SIGLECL1: variants seen among roughly 807,000 people sequenced by gnomAD.
SIGLECL1 encodes SIGLEC family like 1.
SIGLECL1 carries 16 observed loss-of-function variants against 19.1 expected under a neutral mutation model. The observed-to-expected ratio is 0.84, with a 90% CI of 0.57 to 1.27. The LOEUF is 1.27. Ranked by LOEUF, SIGLECL1 falls within the 50% of genes most tolerant of loss-of-function variation. The pLI is 0.00. For missense variants in SIGLECL1, 210 were observed against 239.4 expected (o/e 0.88, Z 0.81); for synonymous variants, 89 against 90.4 (o/e 0.98, Z 0.09).
At chr19:51,258,103 C>T (rs1397401405) in intron 1 of SIGLECL1, among the ~76,000 whole-genome samples, 2 of 152,180 alleles carry the variant, frequency 1.3e-5, no homozygotes, top group Non-Finnish European at 2.9e-5. Context: ...ACGAGTATAA[C>T]AGCTTTCAGT....
In SIGLECL1 at chr19:51,264,061, C is replaced by A; in HGVS notation, c.-12C>A. 1 of 1,613,920 alleles carries A rather than the reference C, an allele frequency of 6.2e-7. No individual in the cohort carries two copies. Among genetic ancestry groups the A allele is most frequent in the Non-Finnish European group, 8.5e-7 (1 of 1,179,926 alleles). ...CTTCTGCTGTTCCTGAGAACTGTTG[C>A]TGCTGGAAGTGATGCTTCCACTGCT... On this transcript the variant is annotated 5_prime_UTR_variant, in exon 2 of 6. The change creates a new upstream start codon in the 5' untranslated region. Coordinates refer to ENST00000601727, the MANE Select transcript of SIGLECL1 (RefSeq NM_001385465.1).
At chr19:51,260,851 C>G (rs1373318384) in intron 1 of SIGLECL1, among the ~76,000 whole-genome samples, 2 of 152,174 alleles carry the variant, frequency 1.3e-5, no homozygotes, top group African/African-American at 2.4e-5. Flanking sequence ...TGGCCAATTT[C>G]TGTAAACGTT....
intron 1 of SIGLECL1, among the ~76,000 whole-genome samples, chr19:51,253,707 G>A (rs1982628819): frequency 6.6e-6 from 1 of 152,174 alleles, no homozygotes; most frequent in African/African-American, 2.4e-5. Flanking sequence ...TTGGAGAGGA[G>A]AATGAACTTC....
chr19:51,265,233 C>G (rs1983551385), intron 2 of SIGLECL1, 135 bp from the exon 3 acceptor site: 2 of 977,492 alleles, frequency 2.0e-6, no homozygotes, highest in Non-Finnish European at 1.5e-6. Flanking sequence ...TCTGGGAGGC[C>G]TGAATCCTGT....
intron 1 of SIGLECL1, among the ~76,000 whole-genome samples, chr19:51,261,501 G>A (rs1316742469): frequency 6.6e-6 from 1 of 152,088 alleles, no homozygotes; most frequent in Non-Finnish European, 1.5e-5. Flanking sequence ...TGTTAGCCAG[G>A]ATGGTCTGGA....
intron 1 of SIGLECL1, among the ~76,000 whole-genome samples, chr19:51,258,295 C>T (rs1262159130): frequency 1.3e-5 from 2 of 152,172 alleles, no homozygotes. Context: ...AAATGGGATT[C>T]ACTAGAACAG....
chr19:51,257,843 G>A (rs1982918597), intron 1 of SIGLECL1: 1 of 152,216 alleles, frequency 6.6e-6, no homozygotes, highest in Non-Finnish European at 1.5e-5. Context: ...TCCACCATGA[G>A]GGAAGTCACC....
chr19:51,250,605 TGAC>T (rs983578993), upstream of SIGLECL1, among the ~76,000 whole-genome samples: 26 of 152,194 alleles, frequency 1.7e-4, no homozygotes, highest in African/African-American at 6.0e-4. Context: ...AGAAAGTGCG[TGAC>T]GGATAAAGTG....
rs1323067951 is a variant in SIGLECL1 at position 51,267,302 on chromosome 19, G to A, written c.411-71G>A. On this transcript the variant is annotated intron_variant, in intron 4 of 5. Coordinates refer to ENST00000601727, the MANE Select transcript of SIGLECL1 (RefSeq NM_001385465.1). ...TTGAGGCTCTAAATCAGAAGTTCTG[G>A]TCAAGATAGAGCCCATTTGGGGATT... is the stretch of plus-strand genomic sequence containing the variant. 4 of 1,557,438 alleles carry A rather than the reference G, an allele frequency of 2.6e-6. No homozygotes were observed. In the African/African-American group the frequency reaches 5.5e-5, roughly 21 times the overall value.
At chr19:51,265,298 C>T in intron 2 of SIGLECL1, 70 bp from the exon 3 acceptor site, 1 of 1,498,494 alleles carries the variant, frequency 6.7e-7, no homozygotes, top group Non-Finnish European at 9.0e-7. Flanking sequence ...AAAGAGAAGG[C>T]TGCATGCTGG....
At chr19:51,260,081 G>A (rs1983102562) in intron 1 of SIGLECL1, among the ~76,000 whole-genome samples, 1 of 152,192 alleles carries the variant, frequency 6.6e-6, no homozygotes, top group South Asian at 2.1e-4. Context: ...ATGGGCAATG[G>A]GAAACTGTAC....
chr19:51,248,984 A>G (rs1982351883), upstream of SIGLECL1, among the ~76,000 whole-genome samples: 1 of 152,124 alleles, frequency 6.6e-6, no homozygotes, highest in Non-Finnish European at 1.5e-5. Context: ...AGTTATTTTG[A>G]CAATTGGGAG....
In SIGLECL1 at chr19:51,265,866, T is replaced by G. The variant is rs148618426; in HGVS notation, c.394T>G (p.Cys132Gly). The part of the protein sequence containing the change: ...AGIVIALLFL[C>G]LLPLIVKHIR... ...AATTGTAATTGCGCTGCTCTTCCTC[T>G]GCCTCCTCCCTCTCATGTGAGTACT... Residue 132 changes from cysteine to glycine, a missense_variant, in exon 4 of 6, where the codon TGC (cysteine) becomes GGC (glycine). Physicochemically the swap from Cys to Gly is radical, Grantham distance 159. Transcript: ENST00000601727. The G allele has an allele frequency of 4.3e-6, 7 of 1,614,054 alleles. No individual in the cohort carries two copies. The African/African-American group carries it at 9.3e-5, about 22-fold the overall frequency.
At chr19:51,256,105 A>ACACC (rs1982793614) in intron 1 of SIGLECL1, 2 of 152,198 alleles carry the variant, frequency 1.3e-5, no homozygotes, top group South Asian at 4.1e-4. Flanking sequence ...ACACACACAC[A>ACACC]CACCCCATTC....
Position 51,267,535 on chromosome 19 carries a change from T to G in SIGLECL1, c.567+6T>G. On this transcript the variant is annotated splice_donor_region_variant and intron_variant, in intron 5 of 5. Transcript: ENST00000601727. ...TTTCTGAGAGCCGGATATTGGTATG[T>G]ACCTATTGTGTCTGGAATCTAGTCT... 1.2e-6 allele frequency: 2 copies of G among 1,613,774 alleles called. No individual in the cohort carries two copies. Among genetic ancestry groups the G allele is most frequent in the Non-Finnish European group, 1.7e-6 (2 of 1,179,870 alleles).
chr19:51,255,908 A>G (rs995915978), intron 1 of SIGLECL1: 3 of 152,204 alleles, frequency 2.0e-5, no homozygotes, highest in East Asian at 1.9e-4. Context: ...TAGAACTACC[A>G]TATGATTCAG....
chr19:51,265,693 G>T, intron 3 of SIGLECL1, 44 bp downstream of exon 3: 1 of 1,611,902 alleles, frequency 6.2e-7, no homozygotes. Context: ...GACAATAAGC[G>T]GGATGGGGAC....
At position 51,265,875 on chromosome 19, in the gene SIGLECL1, C is replaced by T. The variant is rs1983629116; in HGVS notation, c.403C>T (p.Pro135Ser). Residue 135 changes from proline to serine, a missense_variant, in exon 4 of 6, where the codon CCT (proline) becomes TCT (serine). Pro to Ser is a moderately conservative substitution (Grantham distance 74). Coordinates refer to ENST00000601727, the MANE Select transcript of SIGLECL1 (RefSeq NM_001385465.1). ...VIALLFLCLL[P>S]LIVKHIRKKQ... Reference sequence around the variant, plus strand: ...TGCGCTGCTCTTCCTCTGCCTCCTCCCTCTCATGTGAGTACTAGGGTTAAT... The same window carrying T: ...TGCGCTGCTCTTCCTCTGCCTCCTCTCTCTCATGTGAGTACTAGGGTTAAT... The T allele has an allele frequency of 1.2e-6, 2 of 1,614,008 alleles. No individual in the cohort carries two copies. The highest frequency in any genetic ancestry group is 1.1e-5 in the South Asian group (1 of 91,090).
chr19:51,268,439 C>A, intron 5 of SIGLECL1, 132 bp from the exon 6 acceptor site: 1 of 940,204 alleles, frequency 1.1e-6, no homozygotes, highest in Non-Finnish European at 1.8e-6. Flanking sequence ...TGAGGAAGGG[C>A]TAAGCCAGTG....
Sources: allele counts gnomAD v4.1 joint callset (sites outside exome capture counted in the v4.1 genomes callset), GRCh38; gene constraint gnomAD v4.1.1; transcripts MANE v1.5; gene names NCBI Gene and HGNC (gene_info 2026-07-23, HGNC 2026-07-21).